The following RANBP17 variants were observed in gnomAD, a reference collection of about 807,000 sequenced individuals.
The protein encoded by RANBP17 is RAN binding protein 17.
Under a neutral mutation model 141.2 loss-of-function variants are expected in RANBP17, and 158 were observed. The ratio of observed to expected loss-of-function variants is 1.12; its 90% CI spans 0.98 to 1.28. RANBP17 has a LOEUF of 1.28. Ranked by LOEUF, RANBP17 falls within the 50% of genes most tolerant of loss-of-function variation. The probability of loss-of-function intolerance (pLI) is 0.00; values close to 1 mark genes in which losing one functional copy is unlikely to be tolerated. For synonymous variants in RANBP17, 430 were observed against 450.0 expected, an observed-to-expected ratio of 0.96 and a Z score of 0.56; for missense variants, 1,438 against 1,290.7, an observed-to-expected ratio of 1.11 and a Z score of -1.75.
At chr5:170,937,522 T>C (rs1417818585) in intron 12 of RANBP17, among the ~76,000 whole-genome samples, 1 of 152,234 alleles carries the variant, frequency 6.6e-6, no homozygotes, top group Non-Finnish European at 1.5e-5. Context: ...ATTTTACTCT[T>C]CTACCAGCTC....
intron 14 of RANBP17, among the ~76,000 whole-genome samples, chr5:171,033,853 CT>C (rs1232374705): frequency 6.6e-6 from 1 of 152,150 alleles, no homozygotes; most frequent in Non-Finnish European, 1.5e-5. Flanking sequence ...GAGTGGTTTT[CT>C]GATCTCAATC....
chr5:170,945,961 A>G (rs1473635971), intron 12 of RANBP17, among the ~76,000 whole-genome samples: 5 of 152,184 alleles, frequency 3.3e-5, no homozygotes, highest in Admixed American at 1.3e-4. Context: ...TTGTTGGATT[A>G]TAAGATACTG....
chr5:171,224,852 C>A (rs373304611), intron 22 of RANBP17, among the ~76,000 whole-genome samples: 99 of 152,256 alleles, frequency 6.5e-4, no homozygotes, highest in Non-Finnish European at 1.1e-3. Flanking sequence ...TATATTAGAC[C>A]ATTTACCATA....
intron 14 of RANBP17, among the ~76,000 whole-genome samples, chr5:171,063,682 T>G (rs1482581155): frequency 6.6e-6 from 1 of 152,194 alleles, no homozygotes; most frequent in African/African-American, 2.4e-5. Context: ...GAACCACTGC[T>G]CTCTTCAAAG....
chr5:171,081,328 A>G (rs1354354481), intron 14 of RANBP17, among the ~76,000 whole-genome samples: 1 of 152,168 alleles, frequency 6.6e-6, no homozygotes, highest in Non-Finnish European at 1.5e-5. Context: ...TCATTGAATA[A>G]AAGAATATGG....
chr5:171,290,135 G>A (rs1407014372), intron 25 of RANBP17, among the ~76,000 whole-genome samples: 2 of 152,082 alleles, frequency 1.3e-5, no homozygotes, highest in African/African-American at 4.8e-5. Flanking sequence ...TTGGGAGGCG[G>A]AGGCAGGTGG....
intron 14 of RANBP17, among the ~76,000 whole-genome samples, chr5:171,002,573 A>G (rs535186839): frequency 2.6e-3 from 402 of 152,290 alleles, no homozygotes; most frequent in South Asian, 0.012. Flanking sequence ...TGGAAGGCAT[A>G]TTTAGAGTCA....
chr5:170,963,314 T>C (rs1205846480), intron 13 of RANBP17, among the ~76,000 whole-genome samples: 1 of 152,176 alleles, frequency 6.6e-6, no homozygotes, highest in Admixed American at 6.5e-5. Flanking sequence ...TCACACTGTA[T>C]AATCAAGATG....
Position 170,997,192 on chromosome 5 carries a change from C to T in RANBP17, c.1710+28815C>T, listed in dbSNP as rs143694587. ...GCATTGTTTCCCCTTCGCCTTCTGC[C>T]GTGATTGTAAGTTTCTTGAGGCTTC... On this transcript the variant is annotated intron_variant, in intron 14 of 27. Transcript: ENST00000523189. 2.9e-3 allele frequency among the ~76,000 whole-genome samples: 438 copies of T among 152,232 alleles called. 2 individuals are homozygous for T. The highest frequency in any genetic ancestry group is 0.014 in the Middle Eastern group (4 of 294).
At chr5:171,223,803 C>T (rs533637819) in intron 22 of RANBP17, among the ~76,000 whole-genome samples, 69 of 151,914 alleles carry the variant, frequency 4.5e-4, no homozygotes, top group Middle Eastern at 3.4e-3. Flanking sequence ...GACCTTTTTT[C>T]AAAAACAGCA....
intron 16 of RANBP17, among the ~76,000 whole-genome samples, chr5:171,176,326 GT>G (rs1416246812): frequency 6.6e-6 from 1 of 151,892 alleles, no homozygotes; most frequent in Non-Finnish European, 1.5e-5. Flanking sequence ...TTGCTTGCTT[GT>G]TTTAAGTACA....
Position 171,253,196 on chromosome 5 carries a change from G to C in RANBP17, c.2776+10376G>C, listed in dbSNP as rs189417397. 4.3e-3 allele frequency among the ~76,000 whole-genome samples: 656 copies of C among 152,296 alleles called. 4 individuals are homozygous for C. Among genetic ancestry groups the C allele is most frequent in the Non-Finnish European group, 6.3e-3 (427 of 68,022 alleles). ...TATTTGCTCAGGTATCATGCTGTCT[G>C]TACAGTTCCATTCAACAAGGAGGTG... On this transcript the variant is annotated intron_variant, in intron 24 of 27. Transcript: ENST00000523189.
chr5:171,090,726 G>A (rs190872198), intron 14 of RANBP17, among the ~76,000 whole-genome samples: 23 of 152,288 alleles, frequency 1.5e-4, no homozygotes, highest in African/African-American at 5.5e-4. Flanking sequence ...TTGGTGCCCT[G>A]TGTCCCAGTC....
chr5:170,928,886 C>T (rs1281880597), intron 12 of RANBP17, among the ~76,000 whole-genome samples: 1 of 151,742 alleles, frequency 6.6e-6, no homozygotes, highest in East Asian at 1.9e-4. Flanking sequence ...TAGGGTTTGC[C>T]TCAATCTATA....
chr5:171,059,535 G>A (rs1213515959), intron 14 of RANBP17, among the ~76,000 whole-genome samples: 15 of 151,456 alleles, frequency 9.9e-5, no homozygotes, highest in African/African-American at 2.7e-4. Context: ...CTCTGTTTTG[G>A]TACCAGTACC....
intron 1 of RANBP17, among the ~76,000 whole-genome samples, chr5:170,863,306 G>A (rs993089271): frequency 6.6e-6 from 1 of 152,216 alleles, no homozygotes. Flanking sequence ...GATGACCCCA[G>A]GGAGGGAAGG....
intron 14 of RANBP17, among the ~76,000 whole-genome samples, chr5:171,163,020 A>G (rs1759455808): frequency 6.6e-6 from 1 of 152,192 alleles, no homozygotes; most frequent in Admixed American, 6.5e-5. Flanking sequence ...TAAATGTTTA[A>G]CATTCAGATG....
intron 14 of RANBP17, among the ~76,000 whole-genome samples, chr5:170,977,312 TAGGATGAATATGATTAAAAAAAAAAGATA>T (rs1777450547): frequency 6.6e-6 from 1 of 151,700 alleles, no homozygotes; most frequent in African/African-American, 2.4e-5. Flanking sequence ...TTACACTCAC[TAGGATGAATATGATTAAAAAAAAAAGATA>T]ATAACAATTG....
At chr5:171,016,139 G>C (rs1780408194) in intron 14 of RANBP17, among the ~76,000 whole-genome samples, 1 of 151,308 alleles carries the variant, frequency 6.6e-6, no homozygotes, top group Non-Finnish European at 1.5e-5. Context: ...GGCAATCCCA[G>C]GGCTCACCCT....
Sources: allele counts gnomAD v4.1 joint callset (sites outside exome capture counted in the v4.1 genomes callset), GRCh38; gene constraint gnomAD v4.1.1; transcripts MANE v1.5; gene names NCBI Gene and HGNC (gene_info 2026-07-23, HGNC 2026-07-21).